HMCN1: variants seen among roughly 807,000 people sequenced by gnomAD.
HMCN1 encodes hemicentin 1.
Under a neutral mutation model 625.9 loss-of-function variants are expected in HMCN1, and 321 were observed. The ratio of observed to expected loss-of-function variants is 0.51; its 90% CI spans 0.47 to 0.56. The LOEUF is 0.56. Among genes scored for constraint, HMCN1 ranks in the 20% least tolerant of loss-of-function variants. The pLI, the probability that HMCN1 is intolerant of heterozygous loss-of-function variation, is 0.00. For missense variants in HMCN1, 6,588 were observed against 6,887.3 expected, an observed-to-expected ratio of 0.96 and a Z score of 1.54; for synonymous variants, 2,425 against 2,417.6, an observed-to-expected ratio of 1.00 and a Z score of -0.09.
intron 1 of HMCN1, among the ~76,000 whole-genome samples, chr1:185,802,556 A>G (rs1182315607): frequency 1.3e-5 from 2 of 152,174 alleles, no homozygotes; most frequent in East Asian, 1.9e-4. Flanking sequence ...CCCAGAATCA[A>G]GGATGAAAGA....
intron 38 of HMCN1, 149 bp from the exon 39 acceptor site, chr1:186,039,579 T>C: frequency 1.3e-6 from 1 of 782,804 alleles, no homozygotes. Flanking sequence ...GATTAGATCT[T>C]AAATAAGAGA....
At chr1:185,739,460 C>G (rs145436652) in intron 1 of HMCN1, among the ~76,000 whole-genome samples, 60 of 152,300 alleles carry the variant, frequency 3.9e-4, no homozygotes, top group African/African-American at 1.3e-3. Context: ...ATCACTCACT[C>G]TCTTATATCC....
chr1:186,164,009 C>G (rs1386192422), intron 97 of HMCN1, among the ~76,000 whole-genome samples: 1 of 152,086 alleles, frequency 6.6e-6, no homozygotes, highest in East Asian at 1.9e-4. Flanking sequence ...CACAACATAA[C>G]TGGTTGGATT....
intron 1 of HMCN1, among the ~76,000 whole-genome samples, chr1:185,803,205 C>CAAAAAAAAAAAAAAAAAAAAAAAAAAAG: frequency 3.4e-5 from 2 of 58,756 alleles, no homozygotes; most frequent in African/African-American, 8.2e-5. Context: ...AAAAAAAAAG[C>CAAAAAAAAAAAAAAAAAAAAAAAAAAAG]AAAAAAAAAA....
In HMCN1 at chr1:186,065,401, G is replaced by C. The variant is rs139899015; in HGVS notation, c.7677G>C (p.Lys2559Asn). The change falls in exon 49 of 107, where the codon AAG becomes AAC. Residue 2559 changes from lysine (K) to asparagine (N), a missense_variant. Around this residue, in one of 3 missense-constraint regions of HMCN1, gnomAD observed 4,628 missense variants for 4,853.1 expected, o/e 0.95. Coordinates refer to ENST00000271588, the MANE Select transcript of HMCN1 (RefSeq NM_031935.3). ...TGGCTTCCAGTCCAGCTGGCCACAA[G>C]AGCAGGAGCTTCAGTCTTAATGTAT... ...TCLASSPAGHKSRSFSLNVFV... is the reference protein window; with the variant it reads ...TCLASSPAGHNSRSFSLNVFV... 285 of 1,608,462 alleles carry C rather than the reference G, an allele frequency of 1.8e-4. No homozygotes were observed. Among genetic ancestry groups the C allele is most frequent in the Non-Finnish European group, 2.3e-4 (272 of 1,179,498 alleles).
chr1:185,987,327 C>G (rs1652068532), intron 19 of HMCN1, 105 bp from the exon 20 acceptor site: 1 of 777,900 alleles, frequency 1.3e-6, no homozygotes, highest in Non-Finnish European at 2.3e-6. Context: ...AATAATTGCT[C>G]ATTTTTACAA....
rs115159648 is a variant in HMCN1, at chr1:185,753,332, T to C, written c.268+18285T>C. On this transcript the variant is annotated intron_variant, in intron 1 of 106. Coordinates refer to ENST00000271588, the MANE Select transcript of HMCN1 (RefSeq NM_031935.3). ...TCTATGCCAATGGCTCAGTTTTCAT[T>C]CCCAATATTACTTGTGACTTCTGTT... Among the ~76,000 whole-genome samples the C allele has an allele frequency of 8.3e-3, 1,260 of 152,204 alleles. 12 individuals carry two copies. Among genetic ancestry groups the C allele is most frequent in the Middle Eastern group, 0.027 (8 of 294 alleles).
chr1:186,129,384 T>A (rs2102513525), intron 83 of HMCN1, among the ~76,000 whole-genome samples: 1 of 151,304 alleles, frequency 6.6e-6, no homozygotes, highest in South Asian at 2.1e-4. Context: ...CTATCATAAA[T>A]TTTTAAATAA....
At chr1:185,897,305 C>T (rs1294736302) in intron 4 of HMCN1, among the ~76,000 whole-genome samples, 1 of 152,042 alleles carries the variant, frequency 6.6e-6, no homozygotes, top group African/African-American at 2.4e-5. Flanking sequence ...CCAGCCTTTC[C>T]CTCCCAATCC....
intron 1 of HMCN1, among the ~76,000 whole-genome samples, chr1:185,805,945 G>A (rs1429465528): frequency 6.6e-6 from 1 of 151,760 alleles, no homozygotes; most frequent in Admixed American, 6.6e-5. Context: ...TTTTTACATA[G>A]AGCTAAAAAA....
At chr1:185,995,557 TC>T (rs113602198) in intron 24 of HMCN1, among the ~76,000 whole-genome samples, 218 of 152,266 alleles carry the variant, frequency 1.4e-3, no homozygotes, top group African/African-American at 5.1e-3. Flanking sequence ...TTGCCAGGCA[TC>T]TGTCATGTTT....
At chr1:185,803,374 T>G (rs531442782) in intron 1 of HMCN1, among the ~76,000 whole-genome samples, 18 of 152,140 alleles carry the variant, frequency 1.2e-4, no homozygotes, top group African/African-American at 3.1e-4. Context: ...CAAACTTTCA[T>G]CATAGTAACT....
chr1:186,079,128 GCAGCTCTCT>G (rs1271855728), intron 55 of HMCN1, among the ~76,000 whole-genome samples: 1 of 150,720 alleles, frequency 6.6e-6, no homozygotes, highest in African/African-American at 2.5e-5. Context: ...TCTCTCATCA[GCAGCTCTCT>G]CATCAGCAGC....
intron 15 of HMCN1, among the ~76,000 whole-genome samples, chr1:185,972,770 C>T (rs969775301): frequency 5.3e-5 from 8 of 152,104 alleles, no homozygotes; most frequent in African/African-American, 1.4e-4. Flanking sequence ...GTCACTGATG[C>T]TACCTTGGCT....
chr1:186,164,938 C>T (rs891735155), intron 97 of HMCN1, among the ~76,000 whole-genome samples, 173 bp from the exon 98 acceptor site: 5 of 152,184 alleles, frequency 3.3e-5, no homozygotes, highest in African/African-American at 9.7e-5. Context: ...GATTCATGTA[C>T]TTCTTGGTTT....
At position 186,189,793 on chromosome 1, in the gene HMCN1, G is replaced by A. The variant is rs148007859; in HGVS notation, c.16823G>A (p.Arg5608Gln). The change falls in exon 107 of 107, where the codon CGA becomes CAA. Residue 5608 changes from arginine (R) to glutamine (Q), a missense_variant. By Grantham distance (43) the Arg-to-Gln change is conservative. Transcript: ENST00000271588. ...REAETYRMRV[R>Q]ASSYSANGTI... is the part of the protein sequence containing the mutation. Reference sequence around the variant, plus strand: ...GCAGAGACCTACCGCATGAGGGTCCGAGCCTCATCCTACAGTGCCAATGGG... The same window carrying A: ...GCAGAGACCTACCGCATGAGGGTCCAAGCCTCATCCTACAGTGCCAATGGG... The A allele has an allele frequency of 3.7e-5, 60 of 1,613,626 alleles. No individual in the cohort carries two copies. Among genetic ancestry groups the A allele is most frequent in the African/African-American group, 1.1e-4 (8 of 74,894 alleles).
rs759741715 is a variant in HMCN1, at chr1:186,074,724, T to A, written c.8140-17T>A. The A allele has an allele frequency of 6.2e-7, 1 of 1,610,820 alleles. No individual in the cohort carries two copies. Among genetic ancestry groups the A allele is most frequent in the Admixed American group, 1.7e-5 (1 of 59,902 alleles). On this transcript the variant is annotated splice_polypyrimidine_tract_variant and intron_variant, in intron 52 of 106. Transcript: ENST00000271588. ...ATTATAGCACTTAATGCTAACATTG[T>A]TATAATTGAATCACAGCCCCTTAAA...
intron 93 of HMCN1, among the ~76,000 whole-genome samples, chr1:186,146,308 TAAG>T (rs1179988103): frequency 6.6e-6 from 1 of 152,112 alleles, no homozygotes; most frequent in Non-Finnish European, 1.5e-5. Context: ...GGAAGTAAAA[TAAG>T]AATCAGTTCA....
At chr1:185,775,053 T>G (rs1050602479) in intron 1 of HMCN1, among the ~76,000 whole-genome samples, 1 of 152,168 alleles carries the variant, frequency 6.6e-6, no homozygotes, top group African/African-American at 2.4e-5. Flanking sequence ...TCACCCACTT[T>G]TCAGATGAAC....
Sources: gnomAD v4.1 joint callset for allele counts (sites outside exome capture counted in the v4.1 genomes callset) on GRCh38, gnomAD v4.1.1 for gene constraint, gnomAD v4.1.1 regional missense constraint, MANE v1.5 for transcripts, NCBI Gene and HGNC (gene_info 2026-07-23, HGNC 2026-07-21) for gene names.